OSBP2: variants seen among roughly 807,000 people sequenced by gnomAD.
OSBP2 encodes oxysterol binding protein 2.
A neutral mutation model predicts 96.0 loss-of-function variants in OSBP2; 66 were observed. The ratio of observed to expected loss-of-function variants is 0.69; its 90% CI spans 0.56 to 0.84. OSBP2 has a LOEUF of 0.84. Ranked by LOEUF, OSBP2 falls within the 40% of genes least tolerant of loss-of-function variation. The probability of loss-of-function intolerance (pLI) is 0.00; values close to 1 mark genes in which losing one functional copy is unlikely to be tolerated. For synonymous variants in OSBP2, 525 were observed against 520.9 expected (o/e 1.01, Z -0.11); for missense variants, 1,038 against 1,222.7 (o/e 0.85, Z 2.25).
intron 2 of OSBP2, among the ~76,000 whole-genome samples, chr22:30,830,235 A>G (rs1213834831): frequency 6.6e-6 from 1 of 152,230 alleles, no homozygotes; most frequent in Non-Finnish European, 1.5e-5. Flanking sequence ...TGGGCTGCCA[A>G]AGATAAATTT....
intron 2 of OSBP2, among the ~76,000 whole-genome samples, chr22:30,767,442 C>T (rs137912825): frequency 2.5e-4 from 38 of 152,312 alleles, no homozygotes; most frequent in African/African-American, 9.1e-4. Flanking sequence ...GTCTCTATGC[C>T]TCCATCCTCT....
chr22:30,787,750 C>T (rs2090613940), intron 2 of OSBP2, among the ~76,000 whole-genome samples: 1 of 152,258 alleles, frequency 6.6e-6, no homozygotes, highest in Middle Eastern at 3.4e-3. Context: ...GTCCCTCCCA[C>T]CATGGGGATT....
chr22:30,889,640 G>A lies in OSBP2; in HGVS notation c.1623+4G>A, dbSNP rs1238703044. 1 of 1,613,812 alleles carries A rather than the reference G, an allele frequency of 6.2e-7. No homozygotes were observed. The highest frequency in any genetic ancestry group is 1.3e-5 in the African/African-American group (1 of 75,036). On this transcript the variant is annotated splice_donor_region_variant and intron_variant, in intron 7 of 13. Transcript: ENST00000332585. ...GCTCTCCAGGATCCCCATGCCGGTG[G>A]GTGGCTCGGGCAGGGCAGCCCCGAC...
chr22:30,732,850 C>T (rs951359291), intron 1 of OSBP2, among the ~76,000 whole-genome samples: 16 of 152,188 alleles, frequency 1.1e-4, no homozygotes, highest in African/African-American at 3.4e-4. Flanking sequence ...AGGCTCGCTG[C>T]CCCCTAGTGC....
chr22:30,805,249 C>T (rs2145847928), intron 2 of OSBP2, among the ~76,000 whole-genome samples: 1 of 152,318 alleles, frequency 6.6e-6, no homozygotes, highest in South Asian at 2.1e-4. Context: ...AATATGAACA[C>T]TATTTCTGTC....
chr22:30,743,182 T>C (rs763304075), intron 2 of OSBP2, among the ~76,000 whole-genome samples: 1 of 152,126 alleles, frequency 6.6e-6, no homozygotes, highest in Non-Finnish European at 1.5e-5. Context: ...GGTGGGGAGA[T>C]GGTGAGTCCT....
rs890077453 is a variant in OSBP2 at position 30,738,560 on chromosome 22, C to CT, written c.645-2588dup. On this transcript the variant is annotated intron_variant, in intron 1 of 13. Transcript: ENST00000332585. ...TCGCTGTTCAAAAAAAGACAAATGT[C>CT]TTTTTTTTTTTTTCTTTGAGACGGA... 1.7e-3 allele frequency among the ~76,000 whole-genome samples: 252 copies of CT among 145,256 alleles called. 1 individual carries two copies. Among genetic ancestry groups the CT allele is most frequent in the Middle Eastern group, 3.6e-3 (1 of 276 alleles).
intron 1 of OSBP2, among the ~76,000 whole-genome samples, chr22:30,709,139 A>G (rs1007126081): frequency 3.3e-5 from 5 of 152,094 alleles, no homozygotes; most frequent in African/African-American, 1.2e-4. Context: ...AAATAAACAA[A>G]AACATATCCA....
rs1334876697 is a variant in OSBP2, at chr22:30,881,777, C to A, written c.1108-5649C>A. 10 of 1,304,134 alleles carry A rather than the reference C, an allele frequency of 7.7e-6. No individual in the cohort carries two copies. The Admixed American group carries it at 2.3e-4, about 30-fold the overall frequency. 80.8% of individuals were successfully genotyped at this position (1,304,134 alleles called of 1,614,324 possible). On this transcript the variant is annotated intron_variant, in intron 3 of 13. Transcript: ENST00000332585. The surrounding 1 kb of genome is among the most constrained non-coding windows in gnomAD (Gnocchi z 4.5). ...AGAAGGCCGGCAGCAGCAGAGGAGA[C>A]CCTGGGAGTCAGGGATGGACACCAG...
At chr22:30,758,394 CTG>C (rs1182303299) in intron 2 of OSBP2, among the ~76,000 whole-genome samples, 2 of 152,120 alleles carry the variant, frequency 1.3e-5, no homozygotes, top group Non-Finnish European at 2.9e-5. Context: ...GAGCGAGACT[CTG>C]TCTCAAAAAT....
In OSBP2 at chr22:30,871,191, G is replaced by A. The variant is rs2039451322; in HGVS notation, c.1107+509G>A. ...GGGCCTCAGAGCTGAGCCTGCCGAG[G>A]TCGTGCCAACCTGATGGTAGACAAA... is the stretch of plus-strand genomic sequence containing the variant. On this transcript the variant is annotated intron_variant, in intron 3 of 13. Transcript: ENST00000332585. This position sits in a 1 kb window ranked among gnomAD's most constrained non-coding sequence, Gnocchi z 4.7. Among the ~76,000 whole-genome samples the A allele has an allele frequency of 6.6e-6, 1 of 152,104 alleles. No individual in the cohort carries two copies. Among genetic ancestry groups the A allele is most frequent in the Non-Finnish European group, 1.5e-5 (1 of 68,016 alleles).
At chr22:30,858,878 T>TTAATAATAATAATAA (rs2039144609) in intron 2 of OSBP2, among the ~76,000 whole-genome samples, 2 of 56,990 alleles carry the variant, frequency 3.5e-5, no homozygotes, top group African/African-American at 2.0e-4. Flanking sequence ...AGACTCTGTC[T>TTAATAATAATAATAA]CAATAATAAT....
At chr22:30,876,726 G>T (rs2039588316) in intron 3 of OSBP2, among the ~76,000 whole-genome samples, 1 of 152,180 alleles carries the variant, frequency 6.6e-6, no homozygotes, top group Non-Finnish European at 1.5e-5. Context: ...AGTGTTCCAT[G>T]CATTGCGTGG....
intron 2 of OSBP2, among the ~76,000 whole-genome samples, chr22:30,812,580 G>A (rs868182874): frequency 6.6e-6 from 1 of 152,180 alleles, no homozygotes; most frequent in Admixed American, 6.5e-5. Flanking sequence ...AAAGTGCTGT[G>A]CAAATCTCCC....
chr22:30,765,004 C>T (rs1032100844), intron 2 of OSBP2, among the ~76,000 whole-genome samples: 32 of 152,070 alleles, frequency 2.1e-4, no homozygotes, highest in Admixed American at 1.2e-3. Flanking sequence ...GATTCAGATC[C>T]GATGGTCATA....
At chr22:30,709,534 T>C (rs1038620703) in intron 1 of OSBP2, among the ~76,000 whole-genome samples, 7 of 151,994 alleles carry the variant, frequency 4.6e-5, no homozygotes, top group African/African-American at 1.7e-4. Flanking sequence ...TGTTTTTTTT[T>C]GAGACAGAGT....
intron 1 of OSBP2, among the ~76,000 whole-genome samples, chr22:30,719,762 AAG>A (rs2089517347): frequency 6.6e-6 from 1 of 151,526 alleles, no homozygotes; most frequent in Non-Finnish European, 1.5e-5. Context: ...TCAAAAAAAA[AAG>A]AAAAAAAAAA....
intron 1 of OSBP2, among the ~76,000 whole-genome samples, chr22:30,700,205 C>T (rs1236882298): frequency 6.6e-6 from 1 of 152,006 alleles, no homozygotes; most frequent in Non-Finnish European, 1.5e-5. Flanking sequence ...ACCTCGTGAT[C>T]CGCTTGCCTC....
chr22:30,735,494 T>G (rs1448865072), intron 1 of OSBP2, among the ~76,000 whole-genome samples: 1 of 150,020 alleles, frequency 6.7e-6, no homozygotes, highest in African/African-American at 2.5e-5. Context: ...GTGGTTTCTG[T>G]AAAGACAGGG....
Sources: gnomAD v4.1 joint callset for allele counts (sites outside exome capture counted in the v4.1 genomes callset) on GRCh38, gnomAD v4.1.1 for gene constraint, Gnocchi (gnomAD v3.1) non-coding constraint, MANE v1.5 for transcripts, NCBI Gene and HGNC (gene_info 2026-07-23, HGNC 2026-07-21) for gene names.